Variants in NOM1 observed in about 807,000 individuals in gnomAD.
NOM1 encodes the protein nucleolar protein with MIF4G domain 1.
NOM1 carries 58 observed loss-of-function variants against 73.3 expected under a neutral mutation model. The ratio of observed to expected loss-of-function variants is 0.79; its 90% CI spans 0.64 to 0.99. The LOEUF is 0.99. Among genes scored for constraint, NOM1 ranks in the 50% least tolerant of loss-of-function variants. The probability of loss-of-function intolerance (pLI) is 0.00; values close to 1 mark genes in which losing one functional copy is unlikely to be tolerated. For missense variants in NOM1, 1,226 were observed against 1,131.9 expected, an observed-to-expected ratio of 1.08 and a Z score of -1.19; for synonymous variants, 487 against 446.8, an observed-to-expected ratio of 1.09 and a Z score of -1.14.
At chr7:156,956,396 A>G (rs1457346522) in intron 3 of NOM1, among the ~76,000 whole-genome samples, 1 of 152,198 alleles carries the variant, frequency 6.6e-6, no homozygotes, top group African/African-American at 2.4e-5. Context: ...GAGTTAGTTC[A>G]TGTAATAGGC....
intron 3 of NOM1, among the ~76,000 whole-genome samples, chr7:156,959,635 C>A (rs1804813365): frequency 6.6e-6 from 1 of 152,294 alleles, no homozygotes; most frequent in East Asian, 1.9e-4. Context: ...GCTGGCCAAA[C>A]AGTGCCCCTT....
At chr7:156,967,800 G>C (rs1488019577) in intron 9 of NOM1, among the ~76,000 whole-genome samples, 1 of 152,186 alleles carries the variant, frequency 6.6e-6, no homozygotes, top group Non-Finnish European at 1.5e-5. Context: ...TAATATTACA[G>C]GTGTGAGCCA....
chr7:156,963,949 C>A lies in NOM1; in HGVS notation c.1956C>A (p.Asn652Lys). Residue 652 changes from asparagine to lysine, a missense_variant, in exon 7 of 11, where the codon AAC becomes AAA. Transcript: ENST00000275820. ...AACTCGCCCGGAAGCAGAGGATGAACACAGACATCCGGAGAAACATATTCT... is the reference window on the plus strand; with the variant it reads ...AACTCGCCCGGAAGCAGAGGATGAAAACAGACATCCGGAGAAACATATTCT... ...ILELARKQRM[N>K]TDIRRNIFCT... The A allele has an allele frequency of 6.2e-7, 1 of 1,614,086 alleles. No individual in the cohort carries two copies. The highest frequency in any genetic ancestry group is 1.1e-5 in the South Asian group (1 of 91,070).
rs531183795 is a variant in NOM1, at chr7:156,969,611, G to T, written c.2491G>T (p.Ala831Ser). Reference protein sequence around the residue: ...ISHFLLKNAQAHRSADEANVL... With the variant: ...ISHFLLKNAQSHRSADEANVL... ...CCACTTCTTGCTAAAGAACGCACAG[G>T]CCCACAGAAGCGCCGACGAAGCCAA... The change falls in exon 11 of 11, where the codon GCC becomes TCC. Residue 831 changes from alanine to serine, a missense_variant. Ala to Ser is a moderately conservative substitution (Grantham distance 99). Transcript: ENST00000275820. 14 of 1,614,030 alleles carry T rather than the reference G, an allele frequency of 8.7e-6. No individual in the cohort carries two copies. The African/African-American group carries it at 1.9e-4, about 22-fold the overall frequency.
intron 8 of NOM1, among the ~76,000 whole-genome samples, 197 bp from the exon 9 acceptor site, chr7:156,966,764 C>T (rs1411108780): frequency 6.6e-6 from 1 of 152,172 alleles, no homozygotes; most frequent in African/African-American, 2.4e-5. Flanking sequence ...GGAAGAACTG[C>T]ACCAGAAGGA....
Position 156,952,617 on chromosome 7 carries a change from T to C in NOM1, c.1112+19T>C. 6.2e-7 allele frequency: 1 copy of C among 1,606,506 alleles called. No homozygotes were observed. Among genetic ancestry groups the C allele is most frequent in the Non-Finnish European group, 8.5e-7 (1 of 1,177,780 alleles). On this transcript the variant is annotated intron_variant, in intron 2 of 10. Coordinates refer to ENST00000275820, the MANE Select transcript of NOM1 (RefSeq NM_138400.2). ...TTAACAGGTGACCTTGTAGTGTTGT[T>C]ACACTGTGTCACTTAGAGAGGTTGT... is the stretch of plus-strand genomic sequence containing the variant.
intron 7 of NOM1, chr7:156,966,037 C>T: frequency 1.8e-6 from 1 of 550,156 alleles, no homozygotes; most frequent in South Asian, 2.5e-5. Flanking sequence ...CGGGGGACCC[C>T]CTAGATGGTC....
At chr7:156,954,799 G>A (rs1052209779) in intron 3 of NOM1, among the ~76,000 whole-genome samples, 2 of 152,160 alleles carry the variant, frequency 1.3e-5, no homozygotes, top group African/African-American at 4.8e-5. Context: ...GAGCTGCCAT[G>A]CCCAGCCCTG....
chr7:156,963,072 C>G lies in NOM1; in HGVS notation c.1808C>G (p.Ala603Gly). The change falls in exon 6 of 11, where the codon GCG (alanine) becomes GGG (glycine). Residue 603 changes from alanine (A) to glycine (G), a missense_variant. Transcript: ENST00000275820. The stretch of plus-strand genomic sequence containing the variant: ...GTCTCCTGGGACAGTGTCTTGAGTG[C>G]GGAGCAGACGGGTCGCTGGTGGATT... ...LRVSWDSVLS[A>G]EQTGRWWIVG... 6.2e-7 allele frequency: 1 copy of G among 1,614,166 alleles called. No homozygotes were observed. Among genetic ancestry groups the G allele is most frequent in the Non-Finnish European group, 8.5e-7 (1 of 1,180,020 alleles).
At chr7:156,965,001 C>G (rs1192521246) in intron 7 of NOM1, among the ~76,000 whole-genome samples, 3 of 152,342 alleles carry the variant, frequency 2.0e-5, no homozygotes, top group Non-Finnish European at 2.9e-5. Flanking sequence ...AATAGTTTTT[C>G]CCATTCTTAT....
chr7:156,969,833 T>C lies in NOM1; in HGVS notation c.*130T>C. 2.2e-6 allele frequency: 2 copies of C among 911,660 alleles called. No individual in the cohort carries two copies. The highest frequency in any genetic ancestry group is 4.7e-5 in the South Asian group (2 of 42,724). The allele number at this position is 911,660 out of a possible 1,614,324, so 56.5% of individuals were successfully genotyped here. A position where few individuals can be genotyped will look rare whatever the true frequency, so the allele number is the denominator to read the frequency against. On this transcript the variant is annotated 3_prime_UTR_variant, in exon 11 of 11. Coordinates refer to ENST00000275820, the MANE Select transcript of NOM1 (RefSeq NM_138400.2). ...CATTGTCTGTTAATGTATTATATTTTGAGATTTTTTTTGATCTAAGGTTTT... is the reference window on the plus strand; with the variant it reads ...CATTGTCTGTTAATGTATTATATTTCGAGATTTTTTTTGATCTAAGGTTTT...
chr7:156,953,959 C>T (rs1804656010), intron 2 of NOM1, 144 bp from the exon 3 acceptor site: 2 of 632,692 alleles, frequency 3.2e-6, no homozygotes, highest in Non-Finnish European at 5.4e-6. Context: ...GTTATTGGGG[C>T]AAGATAAGAA....
intron 4 of NOM1, among the ~76,000 whole-genome samples, chr7:156,961,823 G>A (rs1804870010): frequency 6.6e-6 from 1 of 152,104 alleles, no homozygotes; most frequent in African/African-American, 2.4e-5. Flanking sequence ...CAGGGTGGGA[G>A]CAGGAGCGTA....
At chr7:156,953,428 AG>A (rs1804642030) in intron 2 of NOM1, among the ~76,000 whole-genome samples, 1 of 152,152 alleles carries the variant, frequency 6.6e-6, no homozygotes, top group South Asian at 2.1e-4. Flanking sequence ...GCACCGGGGC[AG>A]TTCTGTAGTT....
rs141451726 is a variant in NOM1, at chr7:156,968,873, C to T, written c.2299-214C>T. 40 of 494,482 alleles carry T rather than the reference C, an allele frequency of 8.1e-5. 1 individual carries two copies. In the Admixed American group the frequency reaches 1.2e-3, roughly 14 times the overall value. The allele number at this position is 494,482 out of a possible 1,614,324, so 30.6% of individuals were successfully genotyped here. On this transcript the variant is annotated intron_variant, in intron 9 of 10. Transcript: ENST00000275820. ...AGTTGTTCTCAACGGTGGCTGTGGC[C>T]GGCCACACCTCTGCCAGCAGTGTGT...
rs747606319 is a variant in NOM1, at chr7:156,950,104, C to T, written c.367C>T (p.Arg123Trp). 1.9e-6 allele frequency: 3 copies of T among 1,550,402 alleles called. No individual in the cohort carries two copies. Among genetic ancestry groups the T allele is most frequent in the South Asian group, 2.3e-5 (2 of 85,608 alleles). ...RSGAEEASGH[R>W]QDTEERARPA... ...CGGAGCCGAAGAAGCCAGCGGTCAC[C>T]GGCAGGACACGGAGGAGCGCGCCCG... Residue 123 changes from arginine (R) to tryptophan (W), a missense_variant, in exon 1 of 11, where the codon CGG becomes TGG. Transcript: ENST00000275820.
chr7:156,954,104 T>A lies in NOM1; in HGVS notation c.1114T>A (p.Leu372Met). 6.2e-7 allele frequency: 1 copy of A among 1,605,070 alleles called. No homozygotes were observed. The highest frequency in any genetic ancestry group is 8.5e-7 in the Non-Finnish European group (1 of 1,177,482). ...KKHVKGLLNR[L>M]SEPNMASISG... ...CTCTGTCTTTACAATTCTCTGCAGG[T>A]TGAGTGAACCCAACATGGCTTCCAT... is the stretch of plus-strand genomic sequence containing the variant. The change falls in exon 3 of 11, where the codon TTG (leucine) becomes ATG (methionine). Residue 372 changes from leucine to methionine, a missense_variant and splice_region_variant. Leu to Met is a conservative substitution (Grantham distance 15). Transcript: ENST00000275820.
chr7:156,950,758 T>C (rs375834622), intron 1 of NOM1, 34 bp downstream of exon 1: 33 of 1,514,112 alleles, frequency 2.2e-5, no homozygotes, highest in Non-Finnish European at 2.8e-5. Context: ...CCCTCTGGGA[T>C]TTCCTTCAAA....
At chr7:156,957,821 A>C (rs920249973) in intron 3 of NOM1, among the ~76,000 whole-genome samples, 1 of 150,318 alleles carries the variant, frequency 6.7e-6, no homozygotes, top group Non-Finnish European at 1.5e-5. Context: ...ATATACATGA[A>C]TATGTTTTAT....
Sources: gnomAD v4.1 joint callset for allele counts (sites outside exome capture counted in the v4.1 genomes callset) on GRCh38, gnomAD v4.1.1 for gene constraint, MANE v1.5 for transcripts, NCBI Gene and HGNC (gene_info 2026-07-23, HGNC 2026-07-21) for gene names.